The following SUPT3H variants were observed in gnomAD, a reference collection of about 807,000 sequenced individuals.
SUPT3H encodes transcription initiation protein SPT3 homolog.
Under a neutral mutation model 44.3 loss-of-function variants are expected in SUPT3H, and 44 were observed. The observed-to-expected ratio is 0.99, with a 90% CI of 0.78 to 1.28. SUPT3H has a LOEUF of 1.28. SUPT3H is among the 50% of genes most tolerant of loss of function. The pLI is 0.00. For synonymous variants in SUPT3H, 124 were observed against 125.6 expected (o/e 0.99, Z 0.09); for missense variants, 380 against 387.1 (o/e 0.98, Z 0.15).
chr6:45,121,026 A>T (rs562911417), intron 2 of SUPT3H, among the ~76,000 whole-genome samples: 66 of 152,338 alleles, frequency 4.3e-4, no homozygotes, highest in African/African-American at 1.4e-3. Context: ...ATACTTTGGA[A>T]CAGGTTGATT....
chr6:45,116,346 G>C (rs1055586218), intron 2 of SUPT3H, among the ~76,000 whole-genome samples: 6 of 152,038 alleles, frequency 3.9e-5, no homozygotes, highest in Non-Finnish European at 5.9e-5. Context: ...GCACAACTGC[G>C]CACGTTTCTC....
chr6:45,339,608 A>G (rs1183660871), intron 2 of SUPT3H, among the ~76,000 whole-genome samples: 1 of 151,640 alleles, frequency 6.6e-6, no homozygotes, highest in Non-Finnish European at 1.5e-5. Context: ...TAATAAGGAA[A>G]ATAAGAAGTA....
chr6:44,956,106 C>T (rs887551835), intron 7 of SUPT3H, among the ~76,000 whole-genome samples: 2 of 148,320 alleles, frequency 1.3e-5, no homozygotes, highest in Admixed American at 6.8e-5. Flanking sequence ...TGGGCGAGTG[C>T]GAGACTCCGT....
At chr6:45,246,408 C>T (rs1394472207) in intron 2 of SUPT3H, among the ~76,000 whole-genome samples, 1 of 152,114 alleles carries the variant, frequency 6.6e-6, no homozygotes, top group African/African-American at 2.4e-5. Flanking sequence ...TGAGCTCTTA[C>T]ATTCAGGTCT....
chr6:45,183,700 C>T (rs570694408), intron 2 of SUPT3H, among the ~76,000 whole-genome samples: 36 of 152,282 alleles, frequency 2.4e-4, no homozygotes, highest in Admixed American at 2.3e-3. Context: ...AGGGGACACA[C>T]ATCCAAATCA....
chr6:45,312,514 C>CAAA lies in SUPT3H; in HGVS notation c.101+52684_101+52686dup, dbSNP rs144073348. Reference sequence around the variant, plus strand: ...TGGACGACAGAGTGAGACTCCATCTCAAAAAAAAAAAAAAAGACAAAAAGG... The same window carrying CAAA: ...TGGACGACAGAGTGAGACTCCATCTCAAAAAAAAAAAAAAAAAAGACAAAAAGG... On this transcript the variant is annotated intron_variant, in intron 2 of 10. Coordinates refer to ENST00000371459, the MANE Select transcript of SUPT3H (RefSeq NM_003599.4). Among the ~76,000 whole-genome samples, 1,042 of 106,504 alleles carry CAAA rather than the reference C, an allele frequency of 9.8e-3. 14 individuals are homozygous for CAAA. The highest frequency in any genetic ancestry group is 0.091 in the South Asian group (270 of 2,954). 69.9% of individuals were successfully genotyped at this position (106,504 alleles called of 152,430 possible).
chr6:44,832,309 A>G (rs1277768345), intron 10 of SUPT3H, among the ~76,000 whole-genome samples: 1 of 152,158 alleles, frequency 6.6e-6, no homozygotes, highest in Non-Finnish European at 1.5e-5. Context: ...CAGAGGCCAC[A>G]TTCTCATGGA....
chr6:45,212,481 ATGTGTGTG>A (rs11269206), intron 2 of SUPT3H, among the ~76,000 whole-genome samples: 1,653 of 42,488 alleles, frequency 0.039, 27 homozygotes, highest in Admixed American at 0.041. Flanking sequence ...CACCTCCACT[ATGTGTGTG>A]TGTGTGTGTG....
At chr6:45,046,858 A>G (rs1789477962) in intron 3 of SUPT3H, among the ~76,000 whole-genome samples, 1 of 152,174 alleles carries the variant, frequency 6.6e-6, no homozygotes, top group South Asian at 2.1e-4. Context: ...CTAATTCCTG[A>G]AAAATTACTC....
intron 10 of SUPT3H, among the ~76,000 whole-genome samples, chr6:44,903,271 G>T (rs1026645112): frequency 2.0e-5 from 3 of 151,984 alleles, no homozygotes; most frequent in African/African-American, 7.2e-5. Context: ...CAACAAAATT[G>T]ATAGACCGCT....
intron 10 of SUPT3H, among the ~76,000 whole-genome samples, chr6:44,870,962 C>T (rs952575412): frequency 2.6e-5 from 4 of 151,508 alleles, no homozygotes; most frequent in Admixed American, 1.3e-4. Context: ...CGGCGCACCA[C>T]GAGACTATAT....
In SUPT3H at chr6:44,922,264, G is replaced by A. The variant is rs529069887; in HGVS notation, c.912+10389C>T. Among the ~76,000 whole-genome samples, 25 of 152,190 alleles carry A rather than the reference G, an allele frequency of 1.6e-4. No individual in the cohort carries two copies. In the East Asian group the frequency reaches 3.9e-3, roughly 24 times the overall value. ...AACAAGGCATAATTATTTTTTTCCC[G>A]CACATTTTAACTAACTTGCATATAG... On this transcript the variant is annotated intron_variant, in intron 10 of 10. Transcript: ENST00000371459.
chr6:45,098,659 T>C, intron 3 of SUPT3H: 1 of 330,422 alleles, frequency 3.0e-6, no homozygotes, highest in Non-Finnish European at 5.9e-6. Context: ...TAAAGTGGGC[T>C]TCAATCATGC....
chr6:45,032,658 G>A (rs1231743978), intron 3 of SUPT3H, among the ~76,000 whole-genome samples: 1 of 152,142 alleles, frequency 6.6e-6, no homozygotes, highest in Non-Finnish European at 1.5e-5. Flanking sequence ...AGCAAACAGC[G>A]TAGAGAAGAT....
intron 10 of SUPT3H, among the ~76,000 whole-genome samples, chr6:44,906,223 T>A (rs1766046878): frequency 6.6e-6 from 1 of 152,138 alleles, no homozygotes; most frequent in African/African-American, 2.4e-5. Context: ...ACAAAAGCCA[T>A]TATGCTTTTT....
intron 2 of SUPT3H, among the ~76,000 whole-genome samples, chr6:45,138,368 G>C (rs1306475548): frequency 6.6e-6 from 1 of 151,998 alleles, no homozygotes; most frequent in Non-Finnish European, 1.5e-5. Flanking sequence ...ATCCATCCAA[G>C]AGAACAGAGA....
intron 2 of SUPT3H, chr6:45,322,794 G>T: frequency 1.0e-6 from 1 of 956,332 alleles, no homozygotes; most frequent in Non-Finnish European, 1.7e-6. Context: ...GTGTGGTCTC[G>T]CCCATATATT....
At chr6:44,988,885 T>C (rs35687006) in intron 6 of SUPT3H, among the ~76,000 whole-genome samples, 17,431 of 152,110 alleles carry the variant, frequency 0.11, 1,405 homozygotes, top group East Asian at 0.27. Context: ...CTAGCTTAAA[T>C]AAAGTGTGGC....
intron 11 of SUPT3H, among the ~76,000 whole-genome samples, chr6:44,813,430 C>T (rs1766675117): frequency 6.6e-6 from 1 of 152,130 alleles, no homozygotes; most frequent in South Asian, 2.1e-4. Flanking sequence ...AAGAGATCCT[C>T]CCCCCTACCT....
Sources: gnomAD v4.1 joint callset for allele counts (sites outside exome capture counted in the v4.1 genomes callset) on GRCh38, gnomAD v4.1.1 for gene constraint, MANE v1.5 for transcripts, NCBI Gene and HGNC (gene_info 2026-07-23, HGNC 2026-07-21) for gene names.